CNTNAP2: variants seen among roughly 807,000 people sequenced by gnomAD.
CNTNAP2 encodes contactin associated protein 2.
In CNTNAP2, 98 loss-of-function variants were observed where a neutral mutation model predicts 155.2. That is an observed-to-expected ratio of 0.63 (90% CI 0.54 to 0.75). The LOEUF is 0.75. Among genes scored for constraint, CNTNAP2 ranks in the 30% least tolerant of loss-of-function variants. The pLI is 0.00. For missense variants in CNTNAP2, 1,727 were observed against 1,688.1 expected, an observed-to-expected ratio of 1.02 and a Z score of -0.40; for synonymous variants, 651 against 631.2, an observed-to-expected ratio of 1.03 and a Z score of -0.47.
At chr7:147,539,007 T>C (rs1472806582) in intron 11 of CNTNAP2, among the ~76,000 whole-genome samples, 1 of 152,158 alleles carries the variant, frequency 6.6e-6, no homozygotes, top group Non-Finnish European at 1.5e-5. Flanking sequence ...GGCTGAATGA[T>C]GCCAGCTTTG....
intron 16 of CNTNAP2, chr7:148,133,804 G>C (rs914767929): frequency 6.6e-6 from 1 of 152,186 alleles, no homozygotes; most frequent in Non-Finnish European, 1.5e-5. Flanking sequence ...TGAATGGTTA[G>C]TGGTCTCTTT....
At chr7:148,352,071 G>C (rs1798436731) in intron 21 of CNTNAP2, among the ~76,000 whole-genome samples, 1 of 152,212 alleles carries the variant, frequency 6.6e-6, no homozygotes, top group South Asian at 2.1e-4. Context: ...GATGGAATCA[G>C]ATAAGTGTGT....
intron 1 of CNTNAP2, among the ~76,000 whole-genome samples, chr7:146,197,800 C>A (rs1798797819): frequency 6.6e-6 from 1 of 152,066 alleles, no homozygotes; most frequent in Non-Finnish European, 1.5e-5. Context: ...AAGCCGGTTT[C>A]TTGAGGTTTT....
At chr7:146,234,293 G>A (rs1047324262) in intron 1 of CNTNAP2, among the ~76,000 whole-genome samples, 329 of 152,194 alleles carry the variant, frequency 2.2e-3, no homozygotes, top group Middle Eastern at 3.4e-3. Context: ...CATGTCCTTC[G>A]CCCACTTTTT....
At chr7:147,748,416 C>A (rs1474219630) in intron 13 of CNTNAP2, among the ~76,000 whole-genome samples, 1 of 152,086 alleles carries the variant, frequency 6.6e-6, no homozygotes, top group African/African-American at 2.4e-5. Context: ...AAGTCCAAGA[C>A]ACCCCCTTTG....
intron 1 of CNTNAP2, among the ~76,000 whole-genome samples, chr7:146,715,056 C>T (rs892267533): frequency 1.3e-5 from 2 of 152,136 alleles, no homozygotes; most frequent in African/African-American, 2.4e-5. Flanking sequence ...AGAGGCCGGG[C>T]GTGATGGCTC....
chr7:146,763,713 T>G, intron 1 of CNTNAP2, among the ~76,000 whole-genome samples: 1 of 152,310 alleles, frequency 6.6e-6, no homozygotes, highest in East Asian at 1.9e-4. Flanking sequence ...GACATTTTGG[T>G]TTACATATTC....
chr7:146,593,729 T>G (rs1383548284), intron 1 of CNTNAP2, among the ~76,000 whole-genome samples: 1 of 152,116 alleles, frequency 6.6e-6, no homozygotes, highest in Non-Finnish European at 1.5e-5. Flanking sequence ...CCTCCTTATT[T>G]CTCCTTTGAA....
chr7:147,876,673 C>A (rs1328111364), intron 13 of CNTNAP2, among the ~76,000 whole-genome samples: 3 of 152,020 alleles, frequency 2.0e-5, no homozygotes, highest in Admixed American at 6.6e-5. Context: ...TATTCCCCTA[C>A]TTTGCTCTGT....
At chr7:148,356,754 G>A (rs1210450881) in intron 21 of CNTNAP2, among the ~76,000 whole-genome samples, 1 of 151,834 alleles carries the variant, frequency 6.6e-6, no homozygotes, top group East Asian at 1.9e-4. Context: ...CATCCCTTCT[G>A]CCATCACCTC....
chr7:146,148,133 A>G (rs147829929), intron 1 of CNTNAP2, among the ~76,000 whole-genome samples: 6 of 152,194 alleles, frequency 3.9e-5, no homozygotes, highest in African/African-American at 7.2e-5. Context: ...GAGCATCACA[A>G]TGATGTTCTT....
intron 10 of CNTNAP2, among the ~76,000 whole-genome samples, chr7:147,443,904 A>T (rs945533361): frequency 6.6e-6 from 1 of 152,220 alleles, no homozygotes; most frequent in Non-Finnish European, 1.5e-5. Context: ...TATCTCCTCC[A>T]AGACGTAGAA....
chr7:147,308,501 C>G (rs918531775), intron 9 of CNTNAP2, among the ~76,000 whole-genome samples: 1 of 152,118 alleles, frequency 6.6e-6, no homozygotes, highest in East Asian at 1.9e-4. Flanking sequence ...GCAGGACTTG[C>G]AGACAGGTGA....
intron 10 of CNTNAP2, among the ~76,000 whole-genome samples, chr7:147,426,590 C>T (rs1435055645): frequency 6.6e-6 from 1 of 152,054 alleles, no homozygotes; most frequent in Non-Finnish European, 1.5e-5. Context: ...AATTTCTGTG[C>T]TTAATGTCAT....
At chr7:146,722,588 C>T (rs951844108) in intron 1 of CNTNAP2, among the ~76,000 whole-genome samples, 1 of 151,908 alleles carries the variant, frequency 6.6e-6, no homozygotes, top group African/African-American at 2.4e-5. Context: ...CTCCTTGGCC[C>T]AGGGGATTGG....
chr7:146,849,590 A>G (rs1794834146), intron 3 of CNTNAP2, among the ~76,000 whole-genome samples: 1 of 152,196 alleles, frequency 6.6e-6, no homozygotes, highest in African/African-American at 2.4e-5. Flanking sequence ...TAATCAACCT[A>G]CTATGGGTCT....
intron 13 of CNTNAP2, among the ~76,000 whole-genome samples, chr7:147,754,697 G>A (rs1300044305): frequency 1.3e-5 from 2 of 151,676 alleles, no homozygotes; most frequent in Non-Finnish European, 2.9e-5. Flanking sequence ...TATTACATAA[G>A]AAAAAAAATT....
rs115975085 is a variant in CNTNAP2 at position 147,375,815 on chromosome 7, T to C, written c.1499-19794T>C. On this transcript the variant is annotated intron_variant, in intron 9 of 23. Coordinates refer to ENST00000361727, the MANE Select transcript of CNTNAP2 (RefSeq NM_014141.6). ...TTCGTTGACGTTTCAGCCTTTATACTTTTTAAAAATCAGTTCACTCTTACT... is the reference window on the plus strand; with the variant it reads ...TTCGTTGACGTTTCAGCCTTTATACCTTTTAAAAATCAGTTCACTCTTACT... Among the ~76,000 whole-genome samples, 868 of 152,194 alleles carry C rather than the reference T, an allele frequency of 5.7e-3. 13 individuals are homozygous for C. The highest frequency in any genetic ancestry group is 0.02 in the African/African-American group (840 of 41,538).
intron 3 of CNTNAP2, among the ~76,000 whole-genome samples, chr7:146,906,783 C>T (rs571565601): frequency 6.4e-4 from 98 of 152,158 alleles, no homozygotes; most frequent in African/African-American, 1.1e-3. Context: ...TCACCAGCAA[C>T]GGAACAAAGC....
Sources: allele counts gnomAD v4.1 joint callset (sites outside exome capture counted in the v4.1 genomes callset), GRCh38; gene constraint gnomAD v4.1.1; transcripts MANE v1.5; gene names NCBI Gene and HGNC (gene_info 2026-07-23, HGNC 2026-07-21).